Variants in FREM1 observed in about 807,000 individuals in gnomAD.
FREM1 encodes FRAS1-related extracellular matrix protein 1.
In FREM1, 220 loss-of-function variants were observed where a neutral mutation model predicts 210.1. The observed-to-expected ratio is 1.05, with a 90% CI of 0.94 to 1.17. The LOEUF (loss-of-function observed/expected upper bound fraction) is 1.17. Among genes scored for constraint, FREM1 ranks in the 50% most tolerant of loss-of-function variants. The probability of loss-of-function intolerance (pLI) is 0.00; values close to 1 mark genes in which losing one functional copy is unlikely to be tolerated. For synonymous variants in FREM1, 1,189 were observed against 980.2 expected, an observed-to-expected ratio of 1.21 and a Z score of -3.98; for missense variants, 3,454 against 2,675.5, an observed-to-expected ratio of 1.29 and a Z score of -6.42.
At chr9:14,817,177 G>A (rs1362937173) in intron 14 of FREM1, among the ~76,000 whole-genome samples, 6 of 152,154 alleles carry the variant, frequency 3.9e-5, no homozygotes, top group South Asian at 2.1e-4. Context: ...AGGTCTGTAC[G>A]CTTGCAGAAT....
At chr9:14,807,550 T>C (rs1196940014) in intron 17 of FREM1, among the ~76,000 whole-genome samples, 1 of 152,168 alleles carries the variant, frequency 6.6e-6, no homozygotes, top group Non-Finnish European at 1.5e-5. Context: ...TCTGTTCTAA[T>C]AGAAATTATT....
chr9:14,856,915 T>C (rs573862767), intron 5 of FREM1, among the ~76,000 whole-genome samples: 1 of 151,626 alleles, frequency 6.6e-6, no homozygotes, highest in African/African-American at 2.4e-5. Context: ...AATTATAGAG[T>C]TCATGAATCA....
At chr9:14,843,495 ATAGGTAGG>A (rs55735118) in intron 8 of FREM1, among the ~76,000 whole-genome samples, 10 of 150,896 alleles carry the variant, frequency 6.6e-5, no homozygotes, top group East Asian at 3.9e-4. Flanking sequence ...TCATAGATAG[ATAGGTAGG>A]TAGGTAGGTA....
At chr9:14,779,571 T>C in intron 24 of FREM1, 1 of 794,826 alleles carries the variant, frequency 1.3e-6, no homozygotes, top group Non-Finnish European at 1.5e-6. Context: ...TCAAAGCTCA[T>C]CTCAGGACGG....
intron 6 of FREM1, 73 bp from the exon 7 acceptor site, chr9:14,848,846 T>C (rs1827154480): frequency 1.0e-5 from 9 of 864,114 alleles, no homozygotes; most frequent in African/African-American, 3.3e-5. Context: ...TTCTGGGTTA[T>C]ACCCACACAC....
chr9:14,744,559 GCTTCAGTATTTTATTCCATCA>G, intron 35 of FREM1, among the ~76,000 whole-genome samples: 1 of 151,882 alleles, frequency 6.6e-6, no homozygotes, highest in East Asian at 1.9e-4. Flanking sequence ...ATTGTTGGAC[GCTTCAGTATTTTATTCCATCA>G]CTTATAAAAT....
intron 22 of FREM1, 79 bp downstream of exon 22, chr9:14,792,664 C>A: frequency 9.3e-7 from 1 of 1,075,336 alleles, no homozygotes. Flanking sequence ...AGAATAAATC[C>A]CATCATAGAA....
At chr9:14,837,074 T>G (rs112356286) in intron 10 of FREM1, among the ~76,000 whole-genome samples, 1 of 152,264 alleles carries the variant, frequency 6.6e-6, no homozygotes, top group South Asian at 2.1e-4. Context: ...GGCGATTCCC[T>G]TGGCCTTCTT....
chr9:14,769,749 T>C lies in FREM1; in HGVS notation c.5179A>G (p.Thr1727Ala), dbSNP rs975688257. The C allele has an allele frequency of 6.2e-7, 1 of 1,612,582 alleles. No homozygotes were observed. Among genetic ancestry groups the C allele is most frequent in the Admixed American group, 1.7e-5 (1 of 59,916 alleles). Residue 1727 changes from threonine (T) to alanine (A), a missense_variant, in exon 27 of 37, where the codon ACA (threonine) becomes GCA (alanine). Thr to Ala is a moderately conservative substitution (Grantham distance 58). Transcript: ENST00000380880. Reference sequence around the variant, plus strand: ...ATTTGAGGAGTGGCCGAGTTCCCTGTGGGGTCCATGATTTGAAATTCCACG... The same window carrying C: ...ATTTGAGGAGTGGCCGAGTTCCCTGCGGGGTCCATGATTTGAAATTCCACG... ...DTVEFQIMDP[T>A]GNSATPQILE...
intron 24 of FREM1, among the ~76,000 whole-genome samples, chr9:14,776,465 C>A (rs1262148067): frequency 6.6e-6 from 1 of 152,194 alleles, no homozygotes; most frequent in East Asian, 1.9e-4. Flanking sequence ...GAAATTCTGA[C>A]AATCATATTT....
intron 1 of FREM1, among the ~76,000 whole-genome samples, chr9:14,881,331 A>G (rs1355429991): frequency 2.0e-5 from 3 of 152,226 alleles, no homozygotes; most frequent in Admixed American, 6.5e-5. Flanking sequence ...GTAATTGATC[A>G]TAGCTCAGTT....
chr9:14,747,660 C>G, intron 32 of FREM1, 21 bp downstream of exon 32: 1 of 1,426,132 alleles, frequency 7.0e-7, no homozygotes, highest in Non-Finnish European at 9.5e-7. Flanking sequence ...AGAAATTTAG[C>G]AATTCTGTGA....
intron 5 of FREM1, among the ~76,000 whole-genome samples, chr9:14,856,835 C>CA (rs754857691): frequency 0.067 from 5,219 of 77,600 alleles, 356 homozygotes; most frequent in African/African-American, 0.19. Flanking sequence ...GACTCCGTCT[C>CA]AAAAAAAAAA....
At chr9:14,887,996 C>T (rs896897078) in intron 1 of FREM1, among the ~76,000 whole-genome samples, 5 of 152,104 alleles carry the variant, frequency 3.3e-5, no homozygotes, top group African/African-American at 7.2e-5. Context: ...CAGGGTTTCA[C>T]CATGTTGGCC....
rs750718745 is a variant in FREM1 at position 14,806,773 on chromosome 9, G to A, written c.3162C>T (p.Asp1054=). 1 of 1,606,820 alleles carries A rather than the reference G, an allele frequency of 6.2e-7. No homozygotes were observed. The highest frequency in any genetic ancestry group is 8.5e-7 in the Non-Finnish European group (1 of 1,176,272). ...TVNHLSATDP[D]TAADDLEFVL... ...CAAATTCCAAGTCATCTGCTGCAGT[G>A]TCAGGGTCAGTGGCGGACAAATGGT... The change falls in exon 18 of 37, where the codon GAC becomes GAT. Residue 1054 remains aspartate, a synonymous_variant. Transcript: ENST00000380880.
Position 14,748,534 on chromosome 9 carries a change from C to G in FREM1, c.5663G>C (p.Gly1888Ala). 6.2e-7 allele frequency: 1 copy of G among 1,613,756 alleles called. No homozygotes were observed. The change falls in exon 31 of 37, where the codon GGT (glycine) becomes GCT (alanine). Residue 1888 changes from glycine (G) to alanine (A), a missense_variant. Physicochemically the swap from Gly to Ala is moderately conservative, Grantham distance 60 (BLOSUM62 0). Transcript: ENST00000380880. ...AGGTCTTCTTTCCAGATGAAAGGAA[C>G]CAGAAGTGGTGGATGAGGAAGACCC... ...PPGSSSSTTS[G>A]SFHLERRPLP...
intron 1 of FREM1, among the ~76,000 whole-genome samples, chr9:14,890,812 C>T (rs906323289): frequency 6.6e-6 from 1 of 152,186 alleles, no homozygotes; most frequent in Non-Finnish European, 1.5e-5. Context: ...AATGTGTGCC[C>T]TCAACTTACA....
In FREM1 at chr9:14,788,994, T is replaced by A. The variant is rs1391217057; in HGVS notation, c.4102A>T (p.Thr1368Ser). The A allele has an allele frequency of 6.2e-7, 1 of 1,612,836 alleles. No individual in the cohort carries two copies. The highest frequency in any genetic ancestry group is 2.2e-5 in the East Asian group (1 of 44,874). ...AMDSQNQDSF[T>S]FYLWDGNNRS... ...TTGTTGCCATCCCAAAGGTAGAAGG[T>A]GAAGCTATCTTGATTCTGGGAATCC... is the stretch of plus-strand genomic sequence containing the variant. The change falls in exon 23 of 37, where the codon ACC (threonine) becomes TCC (serine). Residue 1368 changes from threonine to serine, a missense_variant. Physicochemically the swap from Thr to Ser is moderately conservative, Grantham distance 58. Transcript: ENST00000380880.
chr9:14,832,060 C>T (rs117970973), intron 10 of FREM1, among the ~76,000 whole-genome samples: 1 of 152,228 alleles, frequency 6.6e-6, no homozygotes, highest in Admixed American at 6.5e-5. Context: ...AACATGCACT[C>T]CCCTGGAACA....
Sources: gnomAD v4.1 joint callset for allele counts (sites outside exome capture counted in the v4.1 genomes callset) on GRCh38, gnomAD v4.1.1 for gene constraint, MANE v1.5 for transcripts, NCBI Gene and HGNC (gene_info 2026-07-23, HGNC 2026-07-21) for gene names.